BMPER: variants seen among roughly 807,000 people sequenced by gnomAD.
BMPER encodes the protein BMP binding endothelial regulator, also known as BMP-binding endothelial regulator protein.
A neutral mutation model predicts 87.3 loss-of-function variants in BMPER; 45 were observed. The observed-to-expected ratio is 0.52, with a 90% confidence interval of 0.41 to 0.66. The LOEUF (loss-of-function observed/expected upper bound fraction) is 0.66, where lower values mean the gene tolerates loss of function less well. BMPER is among the 30% of genes least tolerant of loss of function. The probability of loss-of-function intolerance (pLI) is 0.00; values close to 1 mark genes in which losing one functional copy is unlikely to be tolerated. For synonymous variants in BMPER, 326 were observed against 316.2 expected (o/e 1.03, Z -0.33); for missense variants, 784 against 867.5 (o/e 0.90, Z 1.21).
At chr7:34,017,526 C>A (rs768980961) in intron 6 of BMPER, among the ~76,000 whole-genome samples, 4 of 151,838 alleles carry the variant, frequency 2.6e-5, no homozygotes, top group Non-Finnish European at 4.4e-5. Context: ...AATTACCTAC[C>A]ACTGGGTCCC....
chr7:34,131,116 C>T (rs1790573313), intron 13 of BMPER, among the ~76,000 whole-genome samples: 1 of 151,896 alleles, frequency 6.6e-6, no homozygotes, highest in Non-Finnish European at 1.5e-5. Context: ...GGGAAGCTGG[C>T]ATGGAGGGGA....
chr7:34,013,846 A>G (rs1786948781), intron 6 of BMPER, among the ~76,000 whole-genome samples: 1 of 151,954 alleles, frequency 6.6e-6, no homozygotes, highest in Admixed American at 6.6e-5. Context: ...TTGCCTACAG[A>G]CAGACTGAAA....
At chr7:34,075,960 G>T (rs1468945800) in intron 11 of BMPER, among the ~76,000 whole-genome samples, 1 of 152,184 alleles carries the variant, frequency 6.6e-6, no homozygotes, top group African/African-American at 2.4e-5. Flanking sequence ...TGATACAAAT[G>T]TCCCCAAATG....
intron 2 of BMPER, among the ~76,000 whole-genome samples, chr7:33,920,418 G>GTTT (rs879327540): frequency 0.19 from 18,785 of 97,124 alleles, 3,011 homozygotes; most frequent in East Asian, 0.29. Flanking sequence ...AAACTCCGTT[G>GTTT]TGTTTTTTTT....
chr7:33,909,710 A>T (rs1431499932), intron 2 of BMPER, among the ~76,000 whole-genome samples: 1 of 151,742 alleles, frequency 6.6e-6, no homozygotes, highest in Non-Finnish European at 1.5e-5. Flanking sequence ...AGAAAAAGCT[A>T]ACGTCAACGT....
chr7:34,028,944 C>T (rs909839238), intron 6 of BMPER, among the ~76,000 whole-genome samples: 7 of 151,860 alleles, frequency 4.6e-5, no homozygotes, highest in African/African-American at 1.5e-4. Context: ...CCTTTCTTAT[C>T]TAAAGACAGA....
chr7:34,143,476 A>G lies in BMPER; in HGVS notation c.1876+116A>G. 5 of 1,483,700 alleles carry G rather than the reference A, an allele frequency of 3.4e-6. No individual in the cohort carries two copies. In the South Asian group the frequency reaches 6.0e-5, roughly 18 times the overall value. The allele number at this position is 1,483,700 out of a possible 1,614,324, so 91.9% of individuals were successfully genotyped here. A position where few individuals can be genotyped will look rare whatever the true frequency, so the allele number is the denominator to read the frequency against. On this transcript the variant is annotated intron_variant, in intron 14 of 14. Transcript: ENST00000649409. ...GCCACATGCCCCCTTGCCAGAGGAA[A>G]ATCCCTTCCAGTAGCCCATCTGGAT...
intron 13 of BMPER, among the ~76,000 whole-genome samples, chr7:34,102,155 T>TC (rs1789697285): frequency 6.6e-6 from 1 of 151,426 alleles, no homozygotes; most frequent in Admixed American, 6.6e-5. Context: ...CATTTTTTTT[T>TC]GCCACATCTT....
intron 6 of BMPER, 28 bp downstream of exon 6, chr7:33,974,812 G>C (rs762827500): frequency 6.2e-7 from 1 of 1,606,574 alleles, no homozygotes; most frequent in Admixed American, 1.7e-5. Context: ...TGTTCCCAGG[G>C]TGTCCTTTGG....
chr7:34,020,891 C>T (rs563265605), intron 6 of BMPER, among the ~76,000 whole-genome samples: 9 of 151,032 alleles, frequency 6.0e-5, no homozygotes, highest in African/African-American at 1.5e-4. Flanking sequence ...CACACACACA[C>T]GCACGCACAC....
chr7:33,978,904 A>C (rs1037293875), intron 6 of BMPER, among the ~76,000 whole-genome samples: 1 of 152,172 alleles, frequency 6.6e-6, no homozygotes, highest in Non-Finnish European at 1.5e-5. Context: ...AGTGAAAAGC[A>C]GAATGGTTGT....
chr7:33,952,014 G>A (rs143218112), intron 3 of BMPER, among the ~76,000 whole-genome samples: 206 of 152,268 alleles, frequency 1.4e-3, no homozygotes, highest in African/African-American at 4.6e-3. Flanking sequence ...CAGCTTAAGT[G>A]TATTTTCATA....
chr7:34,008,995 T>C (rs1161963481), intron 6 of BMPER, among the ~76,000 whole-genome samples: 2 of 151,854 alleles, frequency 1.3e-5, no homozygotes, highest in African/African-American at 2.4e-5. Context: ...GCTAACTTTG[T>C]ACATTTTTTG....
At chr7:34,094,551 A>G (rs561142739) in intron 13 of BMPER, among the ~76,000 whole-genome samples, 2 of 152,364 alleles carry the variant, frequency 1.3e-5, no homozygotes, top group African/African-American at 4.8e-5. Context: ...TGCTGCTTTT[A>G]GAAAAGGACA....
At chr7:34,024,357 CAAAAAAAAAAAAA>C (rs1169634357) in intron 6 of BMPER, among the ~76,000 whole-genome samples, 8 of 4,656 alleles carry the variant, frequency 1.7e-3, no homozygotes, top group Admixed American at 8.5e-3. Flanking sequence ...AACTCTGTCT[CAAAAAAAAAAAAA>C]AAAAAAAAAA....
At position 34,153,309 on chromosome 7, in the gene BMPER, G is replaced by A. The variant is rs771221837; in HGVS notation, c.*36G>A. 1 of 1,611,732 alleles carries A rather than the reference G, an allele frequency of 6.2e-7. No individual in the cohort carries two copies. Among genetic ancestry groups the A allele is most frequent in the East Asian group, 2.2e-5 (1 of 44,864 alleles). On this transcript the variant is annotated 3_prime_UTR_variant, in exon 15 of 15. Coordinates refer to ENST00000649409, the MANE Select transcript of BMPER (RefSeq NM_001365308.1). ...GATCCTTAAGACTCTGAAATCTGGT[G>A]ACTTTGACACTGAAGCGGAAGAGCC...
Position 34,055,306 on chromosome 7 carries a change from A to G in BMPER, c.927+3A>G, listed in dbSNP as rs373747862. 11 of 1,613,918 alleles carry G rather than the reference A, an allele frequency of 6.8e-6. No individual in the cohort carries two copies. In the African/African-American group the frequency reaches 1.5e-4, roughly 22 times the overall value. ...AATTTGGCAACAAGATTTTCCAGGTATGTCATGAGACAAGCACATGGGAAC... is the reference window on the plus strand; with the variant it reads ...AATTTGGCAACAAGATTTTCCAGGTGTGTCATGAGACAAGCACATGGGAAC... On this transcript the variant is annotated splice_donor_region_variant and intron_variant, in intron 9 of 14. Transcript: ENST00000649409.
rs1044799454 is a variant in BMPER, at chr7:34,006,975, G to A, written c.576+32191G>A. Among the ~76,000 whole-genome samples, 12 of 152,082 alleles carry A rather than the reference G, an allele frequency of 7.9e-5. No individual in the cohort carries two copies. In the East Asian group the frequency reaches 2.3e-3, roughly 29 times the overall value. On this transcript the variant is annotated intron_variant, in intron 6 of 14. Transcript: ENST00000649409. ...TTTCAAAGTGGATCAGCCCCTCTCT[G>A]CCAATGCACCTTCCTAGTATAATTT...
intron 3 of BMPER, among the ~76,000 whole-genome samples, chr7:33,958,350 G>A (rs1021333391): frequency 2.6e-5 from 4 of 152,118 alleles, no homozygotes; most frequent in African/African-American, 7.2e-5. Context: ...GATGCTTTGA[G>A]CCCTCATTAT....
Sources: allele counts gnomAD v4.1 joint callset (sites outside exome capture counted in the v4.1 genomes callset), GRCh38; gene constraint gnomAD v4.1.1; transcripts MANE v1.5; gene names NCBI Gene and HGNC (gene_info 2026-07-23, HGNC 2026-07-21).